FBXW8: variants seen among roughly 807,000 people sequenced by gnomAD.
FBXW8 encodes the protein F-box and WD repeat domain containing 8.
Under a neutral mutation model 65.3 loss-of-function variants are expected in FBXW8, and 57 were observed. That is an observed-to-expected ratio of 0.87 (90% confidence interval 0.71 to 1.09). The LOEUF is 1.09. FBXW8 is among the 50% of genes least tolerant of loss of function. The probability of loss-of-function intolerance (pLI) is 0.00; values close to 1 mark genes in which losing one functional copy is unlikely to be tolerated. For missense variants in FBXW8, 777 were observed against 814.8 expected (o/e 0.95, Z 0.57); for synonymous variants, 308 against 330.2 (o/e 0.93, Z 0.73).
At chr12:116,968,607 C>G (rs1464753510) in intron 5 of FBXW8, among the ~76,000 whole-genome samples, 1 of 152,140 alleles carries the variant, frequency 6.6e-6, no homozygotes, top group African/African-American at 2.4e-5. Context: ...CACACAAGTG[C>G]AAGGAGGATT....
At chr12:116,953,089 T>C (rs1225666484) in intron 4 of FBXW8, among the ~76,000 whole-genome samples, 1 of 152,236 alleles carries the variant, frequency 6.6e-6, no homozygotes, top group Non-Finnish European at 1.5e-5. Context: ...GTTAAATGTA[T>C]ACTGTTTTAT....
intron 2 of FBXW8, among the ~76,000 whole-genome samples, chr12:116,932,022 C>G (rs556311552): frequency 2.9e-4 from 44 of 152,138 alleles, no homozygotes; most frequent in Admixed American, 1.4e-3. Context: ...TTCTTCTATA[C>G]CTCATTTATT....
At chr12:117,004,524 C>A (rs1953629700) in intron 7 of FBXW8, among the ~76,000 whole-genome samples, 1 of 152,142 alleles carries the variant, frequency 6.6e-6, no homozygotes, top group African/African-American at 2.4e-5. Context: ...CCCGAAAATA[C>A]TTTATTAGGC....
intron 2 of FBXW8, among the ~76,000 whole-genome samples, chr12:116,943,776 C>T (rs992243493): frequency 4.6e-5 from 7 of 152,322 alleles, no homozygotes; most frequent in African/African-American, 1.7e-4. Flanking sequence ...ATCCCATTTC[C>T]AAGCTTTTTC....
chr12:116,938,469 A>G (rs1307856255), intron 2 of FBXW8, among the ~76,000 whole-genome samples: 3 of 152,190 alleles, frequency 2.0e-5, no homozygotes, highest in African/African-American at 7.2e-5. Context: ...TTTTGGTCTC[A>G]GTTTTTCATC....
At chr12:117,006,410 C>T (rs1446321313) in intron 7 of FBXW8, among the ~76,000 whole-genome samples, 1 of 152,240 alleles carries the variant, frequency 6.6e-6, no homozygotes, top group African/African-American at 2.4e-5. Flanking sequence ...CTCACCCCGC[C>T]TCCCACCCCC....
chr12:117,027,628 T>C (rs915132391), intron 10 of FBXW8, 124 bp downstream of exon 10: 12 of 770,414 alleles, frequency 1.6e-5, no homozygotes, highest in Non-Finnish European at 2.2e-5. Flanking sequence ...CCTGCCTTTC[T>C]GCGAATTGGA....
intron 6 of FBXW8, 149 bp downstream of exon 6, chr12:116,985,551 AG>A: frequency 2.8e-6 from 2 of 726,484 alleles, no homozygotes; most frequent in Non-Finnish European, 4.4e-6. Flanking sequence ...CTTACAAAAT[AG>A]GTAGTAGCAT....
chr12:117,023,074 TC>T (rs1954139483), intron 8 of FBXW8, among the ~76,000 whole-genome samples: 1 of 152,162 alleles, frequency 6.6e-6, no homozygotes, highest in South Asian at 2.1e-4. Context: ...AAGAAGTCTT[TC>T]TTTATTATGC....
intron 2 of FBXW8, among the ~76,000 whole-genome samples, chr12:116,933,136 A>G (rs1436295394): frequency 6.6e-6 from 1 of 152,230 alleles, no homozygotes; most frequent in African/African-American, 2.4e-5. Flanking sequence ...TTCTAACTTT[A>G]CACATTGGCC....
At chr12:116,980,947 C>A (rs192138693) in intron 5 of FBXW8, among the ~76,000 whole-genome samples, 1 of 152,214 alleles carries the variant, frequency 6.6e-6, no homozygotes, top group Non-Finnish European at 1.5e-5. Context: ...AAAATGTTGG[C>A]TCGATCAGTC....
chr12:116,984,952 T>C (rs566677140), intron 5 of FBXW8, among the ~76,000 whole-genome samples: 2 of 152,212 alleles, frequency 1.3e-5, no homozygotes, highest in East Asian at 3.9e-4. Context: ...ATAGCACCAC[T>C]GCACTCCAGC....
chr12:117,013,136 G>A (rs940110826), intron 8 of FBXW8, among the ~76,000 whole-genome samples: 5 of 152,104 alleles, frequency 3.3e-5, no homozygotes, highest in African/African-American at 7.2e-5. Context: ...CCAGCTACTC[G>A]GAGGCTGAGG....
chr12:117,028,020 C>G lies in FBXW8; in HGVS notation c.1653-8C>G. On this transcript the variant is annotated splice_polypyrimidine_tract_variant and splice_region_variant and intron_variant, in intron 10 of 10. Transcript: ENST00000652555. This position sits in a 1 kb window ranked among gnomAD's most constrained non-coding sequence, Gnocchi z 4.1. ...CCTGACCTGTCACCATCTTTGTGCT[C>G]TTTCTAGACACCGGGGGCTGATCCG... The G allele has an allele frequency of 1.9e-6, 3 of 1,613,966 alleles. No homozygotes were observed. Among genetic ancestry groups the G allele is most frequent in the Non-Finnish European group, 2.5e-6 (3 of 1,180,028 alleles).
chr12:116,922,109 T>TA (rs1880958695), intron 1 of FBXW8, among the ~76,000 whole-genome samples: 1 of 152,292 alleles, frequency 6.6e-6, no homozygotes, highest in East Asian at 1.9e-4. Flanking sequence ...GGATTACAGA[T>TA]ATGAGCCACT....
intron 1 of FBXW8, among the ~76,000 whole-genome samples, chr12:116,913,679 A>G (rs1418841961): frequency 2.0e-5 from 3 of 152,158 alleles, no homozygotes; most frequent in African/African-American, 7.2e-5. Context: ...GCAGAGGTGC[A>G]AGGAGAGGCA....
chr12:116,956,861 G>A (rs1341746074), intron 4 of FBXW8, among the ~76,000 whole-genome samples: 3 of 151,992 alleles, frequency 2.0e-5, no homozygotes, highest in Non-Finnish European at 4.4e-5. Context: ...CCAACTACTC[G>A]GGAGGCTGAG....
At chr12:117,015,076 G>C (rs1263299085) in intron 8 of FBXW8, among the ~76,000 whole-genome samples, 2 of 152,154 alleles carry the variant, frequency 1.3e-5, no homozygotes, top group African/African-American at 4.8e-5. Context: ...CCTATTCTTT[G>C]AGGACGGCAG....
chr12:116,913,047 T>C (rs1880119332), intron 1 of FBXW8, among the ~76,000 whole-genome samples: 1 of 152,228 alleles, frequency 6.6e-6, no homozygotes, highest in African/African-American at 2.4e-5. Flanking sequence ...ACTCCAAGTT[T>C]CACCACGTGA....
Sources: gnomAD v4.1 joint callset for allele counts (sites outside exome capture counted in the v4.1 genomes callset) on GRCh38, gnomAD v4.1.1 for gene constraint, Gnocchi (gnomAD v3.1) non-coding constraint, MANE v1.5 for transcripts, NCBI Gene and HGNC (gene_info 2026-07-23, HGNC 2026-07-21) for gene names.